Variants in DAD1 observed in about 807,000 individuals in gnomAD.
DAD1 encodes defender against cell death 1.
A neutral mutation model predicts 9.0 loss-of-function variants in DAD1; 4 were observed. That is an observed-to-expected ratio of 0.44 (90% CI 0.22 to 1.01). DAD1 has a LOEUF of 1.01. Ranked by LOEUF, DAD1 falls within the 50% of genes least tolerant of loss-of-function variation. The pLI is 0.24. For synonymous variants in DAD1, 60 were observed against 62.5 expected (o/e 0.96, Z 0.19); for missense variants, 119 against 137.3 (o/e 0.87, Z 0.67).
At chr14:22,582,642 G>C (rs1345423383) in intron 1 of DAD1, among the ~76,000 whole-genome samples, 1 of 152,198 alleles carries the variant, frequency 6.6e-6, no homozygotes, top group African/African-American at 2.4e-5. Context: ...AGAAGACAGA[G>C]CTTGCTGATG....
chr14:22,581,021 C>G (rs941809718), intron 1 of DAD1, among the ~76,000 whole-genome samples: 1 of 152,206 alleles, frequency 6.6e-6, no homozygotes, highest in African/African-American at 2.4e-5. Context: ...TGGAAATTTA[C>G]TACCTCTTCA....
At position 22,575,133 on chromosome 14, in the gene DAD1, C is replaced by T; in HGVS notation, c.312G>A (p.Leu104=). ...FADFLFASTI[L]HLVVMNFVG is the part of the protein sequence containing the mutation. ...CAACAAAGTTCATGACAACAAGGTG[C>T]AGGATGGTGCTGGCAAAGAGAAAAT... Residue 104 remains leucine (L), a synonymous_variant, in exon 2 of 3, where the codon CTG becomes CTA. Transcript: ENST00000250498. 1 of 1,614,098 alleles carries T rather than the reference C, an allele frequency of 6.2e-7. No homozygotes were observed. The highest frequency in any genetic ancestry group is 8.5e-7 in the Non-Finnish European group (1 of 1,179,976).
chr14:22,587,741 CTTT>C (rs368168879), intron 1 of DAD1, among the ~76,000 whole-genome samples: 3 of 139,104 alleles, frequency 2.2e-5, no homozygotes, highest in Non-Finnish European at 4.7e-5. Flanking sequence ...TGTCACCAGA[CTTT>C]TTTTTTTTTT....
At position 22,567,418 on chromosome 14, in the gene DAD1, T is replaced by C. The variant is rs5742855; in HGVS notation, c.*45-2281A>G. On this transcript the variant is annotated intron_variant, in intron 2 of 2. Coordinates refer to ENST00000250498, the MANE Select transcript of DAD1 (RefSeq NM_001344.4). ...TGAATCAAAGACCATTCTGCAGAAA[T>C]TCTAGGTTTACAGCTCAATTTGAAT... 8.9e-3 allele frequency among the ~76,000 whole-genome samples: 1,360 copies of C among 152,326 alleles called. 12 individuals are homozygous for C. The highest frequency in any genetic ancestry group is 0.021 in the African/African-American group (863 of 41,576).
chr14:22,583,827 A>T (rs989630147), intron 1 of DAD1, among the ~76,000 whole-genome samples: 3 of 152,090 alleles, frequency 2.0e-5, no homozygotes, highest in African/African-American at 7.2e-5. Context: ...GTATAAAAGT[A>T]GGTGATCTGT....
intron 1 of DAD1, among the ~76,000 whole-genome samples, chr14:22,580,030 G>A (rs2037105265): frequency 6.6e-6 from 1 of 151,482 alleles, no homozygotes; most frequent in African/African-American, 2.4e-5. Flanking sequence ...TTTTGGTAAA[G>A]ACAAGGTCTC....
intron 1 of DAD1, 77 bp downstream of exon 1, chr14:22,588,870 G>T: frequency 2.1e-6 from 3 of 1,440,064 alleles, no homozygotes; most frequent in East Asian, 4.7e-5. Flanking sequence ...GCGGTGGTCT[G>T]ATATAGAGTA....
At chr14:22,583,040 A>T (rs2139246396) in intron 1 of DAD1, among the ~76,000 whole-genome samples, 1 of 150,962 alleles carries the variant, frequency 6.6e-6, no homozygotes, top group African/African-American at 2.4e-5. Flanking sequence ...ACCAACATTG[A>T]CACCACGTAC....
Position 22,571,881 on chromosome 14 carries a change from C to T in DAD1, c.*44+3178G>A, listed in dbSNP as rs5742819. ...CTGACCTCAGGTGATCCACCCACCT[C>T]GGCCTCCCAAAATGCTGGGATTACA... On this transcript the variant is annotated intron_variant, in intron 2 of 2. Transcript: ENST00000250498. Among the ~76,000 whole-genome samples the T allele has an allele frequency of 9.4e-3, 1,424 of 152,142 alleles. 12 individuals are homozygous for T. Among genetic ancestry groups the T allele is most frequent in the African/African-American group, 0.022 (924 of 41,496 alleles).
At chr14:22,574,159 C>CG (rs1290537593) in intron 2 of DAD1, among the ~76,000 whole-genome samples, 1 of 152,102 alleles carries the variant, frequency 6.6e-6, no homozygotes, top group African/African-American at 2.4e-5. Context: ...GGAAGGAGTA[C>CG]GGGGCCAAGA....
chr14:22,577,227 A>T (rs935146150), intron 1 of DAD1, among the ~76,000 whole-genome samples: 2 of 152,192 alleles, frequency 1.3e-5, no homozygotes, highest in African/African-American at 4.8e-5. Context: ...CGAGGTCAGG[A>T]GTTCGAGACC....
At chr14:22,573,925 C>T (rs997943152) in intron 2 of DAD1, among the ~76,000 whole-genome samples, 6 of 151,892 alleles carry the variant, frequency 4.0e-5, no homozygotes, top group African/African-American at 1.2e-4. Flanking sequence ...TTATTGCATC[C>T]ACTTTGCACA....
At chr14:22,587,034 A>T (rs1036950056) in intron 1 of DAD1, among the ~76,000 whole-genome samples, 4 of 152,210 alleles carry the variant, frequency 2.6e-5, no homozygotes, top group African/African-American at 9.6e-5. Flanking sequence ...CAAGCCACCT[A>T]GTTCCCACTG....
At chr14:22,578,806 G>GA (rs1010488257) in intron 1 of DAD1, among the ~76,000 whole-genome samples, 16 of 151,448 alleles carry the variant, frequency 1.1e-4, no homozygotes, top group Non-Finnish European at 1.6e-4. Context: ...TCTGTTAAAG[G>GA]AAAAAAAATA....
At chr14:22,570,376 C>T (rs1328270483) in intron 2 of DAD1, among the ~76,000 whole-genome samples, 2 of 152,154 alleles carry the variant, frequency 1.3e-5, no homozygotes, top group Non-Finnish European at 2.9e-5. Context: ...CCTAACTCGA[C>T]ATTGCCCACT....
intron 1 of DAD1, among the ~76,000 whole-genome samples, chr14:22,584,147 T>C (rs1028344559): frequency 6.6e-6 from 1 of 152,070 alleles, no homozygotes; most frequent in African/African-American, 2.4e-5. Context: ...TGCTTCACAG[T>C]TGAATTCCCA....
At chr14:22,570,214 A>C (rs1006523495) in intron 2 of DAD1, among the ~76,000 whole-genome samples, 2 of 152,200 alleles carry the variant, frequency 1.3e-5, no homozygotes. Flanking sequence ...TTGAGAATAA[A>C]AGACGTAGAA....
chr14:22,567,899 T>C (rs976071646), intron 2 of DAD1, among the ~76,000 whole-genome samples: 10 of 152,188 alleles, frequency 6.6e-5, no homozygotes, highest in African/African-American at 2.4e-4. Context: ...CATCCTTTCC[T>C]ATCAATCTCT....
intron 2 of DAD1, among the ~76,000 whole-genome samples, chr14:22,571,406 T>G (rs1356896697): frequency 6.6e-6 from 1 of 151,872 alleles, no homozygotes; most frequent in Non-Finnish European, 1.5e-5. Flanking sequence ...TGAAATCCAC[T>G]GAGCTTCTTT....
Sources: allele counts gnomAD v4.1 joint callset (sites outside exome capture counted in the v4.1 genomes callset), GRCh38; gene constraint gnomAD v4.1.1; transcripts MANE v1.5; gene names NCBI Gene and HGNC (gene_info 2026-07-23, HGNC 2026-07-21).